The following LHFPL3 variants were observed in gnomAD, a reference collection of about 807,000 sequenced individuals.
LHFPL3 encodes the protein LHFPL tetraspan subfamily member 3.
A neutral mutation model predicts 19.3 loss-of-function variants in LHFPL3; 5 were observed. The ratio of observed to expected loss-of-function variants is 0.26; its 90% CI spans 0.14 to 0.54. The LOEUF (loss-of-function observed/expected upper bound fraction) is 0.54. Ranked by LOEUF, LHFPL3 falls within the 20% of genes least tolerant of loss-of-function variation. The pLI is 0.94. For missense variants in LHFPL3, 249 were observed against 307.4 expected (o/e 0.81, Z 1.42); for synonymous variants, 133 against 126.2 (o/e 1.05, Z -0.36).
At chr7:104,632,423 T>C (rs1351748144) in intron 1 of LHFPL3, among the ~76,000 whole-genome samples, 1 of 152,242 alleles carries the variant, frequency 6.6e-6, no homozygotes, top group Non-Finnish European at 1.5e-5. Flanking sequence ...TAAACTATTA[T>C]GTGAATTCTT....
intron 1 of LHFPL3, among the ~76,000 whole-genome samples, chr7:104,600,216 C>G (rs1038872347): frequency 7.9e-5 from 12 of 152,322 alleles, no homozygotes; most frequent in Non-Finnish European, 1.6e-4. Context: ...GCTAAATAGA[C>G]TTTATCATAT....
rs145541522 is a variant in LHFPL3 at position 104,776,331 on chromosome 7, G to C, written c.682+39420G>C. Reference sequence around the variant, plus strand: ...TCCAGATGCTACCGAGGCACCCATGGGACTCCCCATCCCCACCTGCATACA... The same window carrying C: ...TCCAGATGCTACCGAGGCACCCATGCGACTCCCCATCCCCACCTGCATACA... On this transcript the variant is annotated intron_variant, in intron 2 of 2. Coordinates refer to ENST00000424859, the MANE Select transcript of LHFPL3 (RefSeq NM_199000.3). 3.2e-4 allele frequency among the ~76,000 whole-genome samples: 49 copies of C among 152,262 alleles called. No individual in the cohort carries two copies. The East Asian group carries it at 8.7e-3, about 27-fold the overall frequency.
chr7:104,346,980 T>G (rs1373525730), intron 1 of LHFPL3, among the ~76,000 whole-genome samples: 1 of 150,410 alleles, frequency 6.6e-6, no homozygotes, highest in Non-Finnish European at 1.5e-5. Context: ...TGGTGGATAC[T>G]TCTTTTACAG....
At chr7:104,564,838 C>T (rs894188599) in intron 1 of LHFPL3, among the ~76,000 whole-genome samples, 5 of 152,090 alleles carry the variant, frequency 3.3e-5, no homozygotes, top group African/African-American at 4.8e-5. Context: ...AAAAGTGTGC[C>T]GGGATTCACA....
chr7:104,487,819 A>G (rs1361497161), intron 1 of LHFPL3, among the ~76,000 whole-genome samples: 1 of 152,036 alleles, frequency 6.6e-6, no homozygotes, highest in Non-Finnish European at 1.5e-5. Flanking sequence ...TTTGTTCACA[A>G]TTTTTATATG....
chr7:104,733,607 T>C (rs1042868482), intron 1 of LHFPL3, among the ~76,000 whole-genome samples: 2 of 152,188 alleles, frequency 1.3e-5, no homozygotes, highest in African/African-American at 4.8e-5. Context: ...ATTTTGAGCC[T>C]ATGTGTGTCT....
chr7:104,435,323 T>C (rs963759975), intron 1 of LHFPL3, among the ~76,000 whole-genome samples: 11 of 151,994 alleles, frequency 7.2e-5, no homozygotes, highest in Admixed American at 3.9e-4. Flanking sequence ...TTATTATTAT[T>C]GTTATTTGTT....
intron 2 of LHFPL3, among the ~76,000 whole-genome samples, chr7:104,761,650 G>T (rs1361271306): frequency 1.3e-5 from 2 of 152,164 alleles, no homozygotes; most frequent in Non-Finnish European, 2.9e-5. Flanking sequence ...TTACCGTACA[G>T]TTCATAAACG....
intron 2 of LHFPL3, among the ~76,000 whole-genome samples, chr7:104,890,147 A>G (rs958035047): frequency 1.2e-4 from 18 of 152,176 alleles, no homozygotes; most frequent in African/African-American, 1.4e-4. Context: ...AAAAATAAAA[A>G]TAACAAATTA....
intron 1 of LHFPL3, among the ~76,000 whole-genome samples, chr7:104,523,304 G>C (rs7785646): frequency 0.55 from 83,801 of 151,800 alleles, 23,291 homozygotes; most frequent in Middle Eastern, 0.65. Flanking sequence ...AAATTTGTCT[G>C]TGGACTATAT....
chr7:104,474,135 T>G (rs1180488183), intron 1 of LHFPL3, among the ~76,000 whole-genome samples: 9 of 152,200 alleles, frequency 5.9e-5, no homozygotes, highest in Non-Finnish European at 1.2e-4. Context: ...AAAGACCTCC[T>G]GCTTCTACCC....
chr7:104,795,139 G>C (rs1379275487), intron 2 of LHFPL3, among the ~76,000 whole-genome samples: 1 of 152,282 alleles, frequency 6.6e-6, no homozygotes, highest in Non-Finnish European at 1.5e-5. Context: ...AGATGGGCCA[G>C]ACATGCTCTC....
chr7:104,745,805 TC>T (rs1794035711), intron 2 of LHFPL3, among the ~76,000 whole-genome samples: 1 of 152,190 alleles, frequency 6.6e-6, no homozygotes, highest in Non-Finnish European at 1.5e-5. Context: ...GGGGAGGCTT[TC>T]AAGAATTGGT....
chr7:104,494,923 G>C (rs1461092177), intron 1 of LHFPL3, among the ~76,000 whole-genome samples: 1 of 151,960 alleles, frequency 6.6e-6, no homozygotes, highest in Non-Finnish European at 1.5e-5. Context: ...TTCTCATCTG[G>C]AACTCAGCTC....
In LHFPL3 at chr7:104,357,235, C is replaced by T. The variant is rs564092615; in HGVS notation, c.445+28011C>T. On this transcript the variant is annotated intron_variant, in intron 1 of 2. Transcript: ENST00000424859. ...ATCCATGTTCTTGCTCTCTGGGTCT[C>T]GTAGTATCATGAAGATAACCCAGAT... Among the ~76,000 whole-genome samples the T allele has an allele frequency of 4.1e-4, 63 of 152,248 alleles. 1 individual carries two copies. In the South Asian group the frequency reaches 6.9e-3, roughly 17 times the overall value.
chr7:104,357,539 T>C (rs75860008), intron 1 of LHFPL3, among the ~76,000 whole-genome samples: 2,391 of 152,288 alleles, frequency 0.016, 27 homozygotes, highest in Middle Eastern at 0.031. Context: ...ATTATGTATT[T>C]AAGTCTCCCT....
At chr7:104,368,136 G>C (rs961717162) in intron 1 of LHFPL3, among the ~76,000 whole-genome samples, 18 of 152,214 alleles carry the variant, frequency 1.2e-4, no homozygotes, top group African/African-American at 4.1e-4. Flanking sequence ...ATTTAGACTT[G>C]ATAGGTTTAC....
chr7:104,428,235 T>C (rs76573713), intron 1 of LHFPL3, among the ~76,000 whole-genome samples: 50 of 152,340 alleles, frequency 3.3e-4, no homozygotes, highest in African/African-American at 1.2e-3. Flanking sequence ...TGGTCCATAA[T>C]GCTAAGTTTT....
chr7:104,775,273 G>A (rs1178017538), intron 2 of LHFPL3, among the ~76,000 whole-genome samples: 4 of 152,114 alleles, frequency 2.6e-5, no homozygotes, highest in African/African-American at 9.7e-5. Flanking sequence ...GCAGGCGCCT[G>A]TAATTCCAAC....
Sources: allele counts gnomAD v4.1 joint callset (sites outside exome capture counted in the v4.1 genomes callset), GRCh38; gene constraint gnomAD v4.1.1; transcripts MANE v1.5; gene names NCBI Gene and HGNC (gene_info 2026-07-23, HGNC 2026-07-21).